Variants in ADAMTS16 observed in about 807,000 individuals in gnomAD.
The protein encoded by ADAMTS16 is ADAM metallopeptidase with thrombospondin type 1 motif 16, also known as A disintegrin and metalloproteinase with thrombospondin motifs 16.
Under a neutral mutation model 145.8 loss-of-function variants are expected in ADAMTS16, and 94 were observed. The ratio of observed to expected loss-of-function variants is 0.64; its 90% confidence interval spans 0.55 to 0.77. The LOEUF is 0.77. ADAMTS16 is among the 30% of genes least tolerant of loss of function. ADAMTS16 has a pLI of 0.00. For missense variants in ADAMTS16, 1,585 were observed against 1,591.5 expected, an observed-to-expected ratio of 1.00 and a Z score of 0.07; for synonymous variants, 659 against 604.3, an observed-to-expected ratio of 1.09 and a Z score of -1.33.
intron 18 of ADAMTS16, among the ~76,000 whole-genome samples, chr5:5,268,494 C>T (rs1738341189): frequency 6.6e-6 from 1 of 152,198 alleles, no homozygotes; most frequent in East Asian, 1.9e-4. Context: ...TGGGATCCTT[C>T]CAACGCACCT....
chr5:5,210,352 G>C (rs1736241431), intron 10 of ADAMTS16, among the ~76,000 whole-genome samples: 1 of 152,076 alleles, frequency 6.6e-6, no homozygotes, highest in Admixed American at 6.6e-5. Flanking sequence ...GTTGTCATTT[G>C]GAAAACATAG....
chr5:5,237,110 T>A lies in ADAMTS16; in HGVS notation c.2154+11T>A. The A allele has an allele frequency of 6.2e-7, 1 of 1,611,938 alleles. No individual in the cohort carries two copies. The highest frequency in any genetic ancestry group is 8.5e-7 in the Non-Finnish European group (1 of 1,179,178). On this transcript the variant is annotated intron_variant, in intron 14 of 22. Coordinates refer to ENST00000274181, the MANE Select transcript of ADAMTS16 (RefSeq NM_139056.4). The stretch of plus-strand genomic sequence containing the variant: ...GATGGGATATGTGAGGTAATCATGA[T>A]CCTTCATTCATTCAACAAATGATTC...
intron 21 of ADAMTS16, among the ~76,000 whole-genome samples, chr5:5,315,661 C>T (rs943293669): frequency 2.0e-5 from 3 of 152,140 alleles, no homozygotes; most frequent in African/African-American, 7.2e-5. Context: ...TCTCGGCGCA[C>T]TGTGTGAGCT....
chr5:5,201,343 G>T (rs776239085), intron 9 of ADAMTS16, among the ~76,000 whole-genome samples: 1 of 151,826 alleles, frequency 6.6e-6, no homozygotes, highest in Non-Finnish European at 1.5e-5. Flanking sequence ...TTGCAGAAAA[G>T]TAAATAAAAA....
At chr5:5,277,622 A>C (rs997635132) in intron 18 of ADAMTS16, among the ~76,000 whole-genome samples, 6 of 152,192 alleles carry the variant, frequency 3.9e-5, no homozygotes, top group African/African-American at 1.4e-4. Context: ...ACGCCAAATG[A>C]AATTCCAATA....
chr5:5,200,245 G>T lies in ADAMTS16; in HGVS notation c.1427G>T (p.Arg476Leu), dbSNP rs777610990. The T allele has an allele frequency of 1.2e-6, 2 of 1,613,106 alleles. No homozygotes were observed. Among genetic ancestry groups the T allele is most frequent in the South Asian group, 1.1e-5 (1 of 90,974 alleles). Residue 476 changes from arginine to leucine, a missense_variant, in exon 9 of 23, where the codon CGC (arginine) becomes CTC (leucine). By Grantham distance (102) the Arg-to-Leu change is moderately radical. Transcript: ENST00000274181. ...GTCTTCTCCTGGTCACCCTGCAGCC[G>T]CCAGTATCTACACAAATTTCTAAGG... ...NGVFSWSPCSRQYLHKFLSTA... is the reference protein window; with the variant it reads ...NGVFSWSPCSLQYLHKFLSTA...
chr5:5,274,257 T>C (rs1477281893), intron 18 of ADAMTS16, among the ~76,000 whole-genome samples: 2 of 152,326 alleles, frequency 1.3e-5, no homozygotes, highest in Non-Finnish European at 2.9e-5. Flanking sequence ...CTTAGTGTCA[T>C]ACATGCTGTG....
At chr5:5,255,447 A>G (rs1430391178) in intron 17 of ADAMTS16, among the ~76,000 whole-genome samples, 1 of 152,252 alleles carries the variant, frequency 6.6e-6, no homozygotes, top group African/African-American at 2.4e-5. Flanking sequence ...GAAAAGTCAG[A>G]AAGTTGCAGA....
intron 18 of ADAMTS16, among the ~76,000 whole-genome samples, chr5:5,294,293 T>C (rs13164791): frequency 0.11 from 16,558 of 152,208 alleles, 997 homozygotes; most frequent in South Asian, 0.16. Context: ...ATAAAACTAA[T>C]TCTTTAAAAG....
At chr5:5,290,830 T>C (rs1242975045) in intron 18 of ADAMTS16, among the ~76,000 whole-genome samples, 1 of 152,192 alleles carries the variant, frequency 6.6e-6, no homozygotes, top group Non-Finnish European at 1.5e-5. Flanking sequence ...ACTTTCACTG[T>C]GTAGGACCTG....
At chr5:5,313,847 GTCCA>G (rs1280529697) in intron 21 of ADAMTS16, among the ~76,000 whole-genome samples, 1 of 152,248 alleles carries the variant, frequency 6.6e-6, no homozygotes, top group Non-Finnish European at 1.5e-5. Flanking sequence ...ACGCTGCGCA[GTCCA>G]TCCCAGGGTT....
intron 18 of ADAMTS16, among the ~76,000 whole-genome samples, chr5:5,283,480 C>T (rs968240274): frequency 2.0e-5 from 3 of 152,122 alleles, no homozygotes; most frequent in African/African-American, 4.8e-5. Flanking sequence ...CCACCTCCCC[C>T]CCAGAAAGCC....
At position 5,318,984 on chromosome 5, in the gene ADAMTS16, C is replaced by T. The variant is rs1294294742; in HGVS notation, c.3560-39C>T. 3.4e-6 allele frequency: 5 copies of T among 1,469,536 alleles called. No individual in the cohort carries two copies. The African/African-American group carries it at 6.9e-5, about 20-fold the overall frequency. The allele number at this position is 1,469,536 out of a possible 1,614,324, so 91.0% of individuals were successfully genotyped here. A position where few individuals can be genotyped will look rare whatever the true frequency, so the allele number is the denominator to read the frequency against. ...TTAGCTGGCAACATCAGTCGCTGCA[C>T]TCGGGATCGCTGAGTAATGCAGCTC... On this transcript the variant is annotated intron_variant, in intron 22 of 22. Coordinates refer to ENST00000274181, the MANE Select transcript of ADAMTS16 (RefSeq NM_139056.4).
intron 18 of ADAMTS16, among the ~76,000 whole-genome samples, chr5:5,292,247 G>C (rs549408575): frequency 6.6e-6 from 1 of 152,196 alleles, no homozygotes; most frequent in South Asian, 2.1e-4. Context: ...TGTAATCCCA[G>C]CCCTTTAAGA....
At chr5:5,207,016 T>A (rs1177464932) in intron 9 of ADAMTS16, among the ~76,000 whole-genome samples, 1 of 152,218 alleles carries the variant, frequency 6.6e-6, no homozygotes, top group East Asian at 1.9e-4. Flanking sequence ...CCTTCAGTAT[T>A]GCTCTGGTTA....
chr5:5,278,365 C>T (rs1308940761), intron 18 of ADAMTS16, among the ~76,000 whole-genome samples: 1 of 152,148 alleles, frequency 6.6e-6, no homozygotes, highest in Non-Finnish European at 1.5e-5. Context: ...CTTTTTGTGG[C>T]ACCTTTTATC....
At chr5:5,222,735 A>T (rs1007852981) in intron 10 of ADAMTS16, 54 bp from the exon 11 acceptor site, 66 of 1,385,694 alleles carry the variant, frequency 4.8e-5, no homozygotes, top group Non-Finnish European at 6.6e-5. Flanking sequence ...TTTTTATTAT[A>T]GATGAATTGA....
chr5:5,287,604 C>A (rs73041114), intron 18 of ADAMTS16, among the ~76,000 whole-genome samples: 1 of 152,224 alleles, frequency 6.6e-6, no homozygotes, highest in African/African-American at 2.4e-5. Context: ...AATGATGTGA[C>A]CAAGATATTC....
At chr5:5,307,093 C>T (rs1740201919) in intron 21 of ADAMTS16, among the ~76,000 whole-genome samples, 1 of 152,138 alleles carries the variant, frequency 6.6e-6, no homozygotes, top group Non-Finnish European at 1.5e-5. Context: ...CTTTTCAGCC[C>T]ACCCTCAGCC....
Sources: allele counts gnomAD v4.1 joint callset (sites outside exome capture counted in the v4.1 genomes callset), GRCh38; gene constraint gnomAD v4.1.1; transcripts MANE v1.5; gene names NCBI Gene and HGNC (gene_info 2026-07-23, HGNC 2026-07-21).